The following CEP350 variants were observed in gnomAD, a reference collection of about 807,000 sequenced individuals.
CEP350 encodes centrosomal protein 350.
A neutral mutation model predicts 331.8 loss-of-function variants in CEP350; 126 were observed. The ratio of observed to expected loss-of-function variants is 0.38; its 90% confidence interval spans 0.33 to 0.44. The LOEUF is 0.44. Ranked by LOEUF, CEP350 falls within the 20% of genes least tolerant of loss-of-function variation. CEP350 has a pLI of 1.00. For synonymous variants in CEP350, 1,200 were observed against 1,259.5 expected, an observed-to-expected ratio of 0.95 and a Z score of 1.00; for missense variants, 3,406 against 3,634.6, an observed-to-expected ratio of 0.94 and a Z score of 1.62.
intron 20 of CEP350, among the ~76,000 whole-genome samples, chr1:180,043,772 TTG>T (rs71118428): frequency 0.031 from 4,649 of 148,586 alleles, 120 homozygotes; most frequent in South Asian, 0.068. Context: ...ATTACCATAT[TTG>T]TGTGTGTGTG....
chr1:180,032,990 A>G (rs1273963388), intron 15 of CEP350, among the ~76,000 whole-genome samples: 1 of 151,584 alleles, frequency 6.6e-6, no homozygotes, highest in East Asian at 1.9e-4. Flanking sequence ...CTTCTATTCA[A>G]CTATTTTTAT....
chr1:180,023,738 A>G (rs905786912), intron 13 of CEP350, among the ~76,000 whole-genome samples: 4 of 152,226 alleles, frequency 2.6e-5, no homozygotes, highest in African/African-American at 9.6e-5. Flanking sequence ...TCACATAGTA[A>G]GTGAATCAGA....
intron 32 of CEP350, among the ~76,000 whole-genome samples, chr1:180,088,810 A>G (rs907929167): frequency 2.0e-5 from 3 of 152,338 alleles, no homozygotes; most frequent in Non-Finnish European, 4.4e-5. Flanking sequence ...AAAAGACTTA[A>G]CAGGGCTTAG....
In CEP350 at chr1:180,096,165, A is replaced by C; in HGVS notation, c.9047A>C (p.Asn3016Thr). ...SSYFRRVKNP[N>T]NLDEIKSFIA... ...TATTTCCGACGAGTGAAAAATCCAA[A>C]TAACCTTGATGAAATCAAGGTAAAC... Residue 3016 changes from asparagine to threonine, a missense_variant, in exon 36 of 38, where the codon AAT becomes ACT. Asn to Thr is a moderately conservative substitution (Grantham distance 65, BLOSUM62 0). Transcript: ENST00000367607. 6.4e-7 allele frequency: 1 copy of C among 1,567,546 alleles called. No individual in the cohort carries two copies. The highest frequency in any genetic ancestry group is 8.7e-7 in the Non-Finnish European group (1 of 1,154,580).
intron 1 of CEP350, among the ~76,000 whole-genome samples, chr1:179,965,593 T>A (rs541596751): frequency 6.6e-6 from 1 of 150,636 alleles, no homozygotes; most frequent in African/African-American, 2.4e-5. Context: ...ATTGGACAAG[T>A]GATCTTTTTT....
At position 180,041,693 on chromosome 1, in the gene CEP350, A is replaced by T; in HGVS notation, c.4253A>T (p.Gln1418Leu). 6.2e-7 allele frequency: 1 copy of T among 1,613,806 alleles called. No individual in the cohort carries two copies. Among genetic ancestry groups the T allele is most frequent in the South Asian group, 1.1e-5 (1 of 91,048 alleles). ...VHAESLQQVV[Q>L]SQREVTEVLQ... Reference sequence around the variant, plus strand: ...GCAGAATCATTACAGCAGGTGGTTCAATCACAACGGGAAGTAACTGAAGTC... The same window carrying T: ...GCAGAATCATTACAGCAGGTGGTTCTATCACAACGGGAAGTAACTGAAGTC... Residue 1418 changes from glutamine (Q) to leucine (L), a missense_variant, in exon 19 of 38, where the codon CAA (glutamine) becomes CTA (leucine). Around this residue, in one of 5 missense-constraint regions of CEP350, gnomAD observed 1,857 missense variants for 1,909.2 expected, o/e 0.97. Coordinates refer to ENST00000367607, the MANE Select transcript of CEP350 (RefSeq NM_014810.5).
intron 1 of CEP350, among the ~76,000 whole-genome samples, chr1:179,980,949 T>G (rs1401365053): frequency 6.6e-6 from 1 of 152,120 alleles, no homozygotes; most frequent in Non-Finnish European, 1.5e-5. Context: ...AAGAAAGTGA[T>G]CCACAAAGCT....
At chr1:180,047,384 A>G (rs780254151) in intron 21 of CEP350, among the ~76,000 whole-genome samples, 4 of 152,160 alleles carry the variant, frequency 2.6e-5, no homozygotes, top group Non-Finnish European at 5.9e-5. Flanking sequence ...GGCAAAGATA[A>G]TGATACAAAT....
At chr1:180,101,998 G>A (rs1437591224) in intron 37 of CEP350, among the ~76,000 whole-genome samples, 1 of 152,160 alleles carries the variant, frequency 6.6e-6, no homozygotes, top group African/African-American at 2.4e-5. Context: ...AAAGCTTCAT[G>A]ACATCAGCAT....
At chr1:180,066,744 A>C (rs1409812138) in intron 27 of CEP350, among the ~76,000 whole-genome samples, 3 of 152,202 alleles carry the variant, frequency 2.0e-5, no homozygotes, top group Admixed American at 2.0e-4. Flanking sequence ...AATTTATTAA[A>C]ATTTAGATTA....
At chr1:180,089,001 GT>G (rs1660019038) in intron 32 of CEP350, among the ~76,000 whole-genome samples, 1 of 152,114 alleles carries the variant, frequency 6.6e-6, no homozygotes, top group African/African-American at 2.4e-5. Flanking sequence ...TTGTGTGTGT[GT>G]TTTTGTTACA....
chr1:180,088,250 A>C (rs553712372), intron 32 of CEP350, among the ~76,000 whole-genome samples: 1 of 152,306 alleles, frequency 6.6e-6, no homozygotes, highest in South Asian at 2.1e-4. Flanking sequence ...AATAGTATGC[A>C]GTCAGTAAGC....
At chr1:180,079,907 C>T (rs759007534) in intron 29 of CEP350, among the ~76,000 whole-genome samples, 5 of 152,054 alleles carry the variant, frequency 3.3e-5, no homozygotes, top group Admixed American at 6.6e-5. Flanking sequence ...TGTTTATTTA[C>T]GAAGTACTTA....
At chr1:180,056,471 C>CG (rs1340292312) in intron 25 of CEP350, among the ~76,000 whole-genome samples, 2 of 112,504 alleles carry the variant, frequency 1.8e-5, no homozygotes, top group African/African-American at 6.9e-5. Flanking sequence ...CCCCTCCCCC[C>CG]CCCCCTTTTT....
intron 14 of CEP350, among the ~76,000 whole-genome samples, chr1:180,026,706 G>A (rs1655702889): frequency 6.6e-6 from 1 of 152,092 alleles, no homozygotes; most frequent in Non-Finnish European, 1.5e-5. Flanking sequence ...TCATATAAGT[G>A]GAATAATAGA....
intron 3 of CEP350, among the ~76,000 whole-genome samples, chr1:179,990,271 T>C (rs976418948): frequency 6.6e-5 from 10 of 152,206 alleles, no homozygotes; most frequent in Admixed American, 1.3e-4. Context: ...AACTCTTTGA[T>C]ATTCTTCAGA....
At chr1:179,974,420 T>A (rs1362190726) in intron 1 of CEP350, among the ~76,000 whole-genome samples, 1 of 152,218 alleles carries the variant, frequency 6.6e-6, no homozygotes, top group Non-Finnish European at 1.5e-5. Context: ...CAGCTTCTAA[T>A]GCTGCCGTTT....
At chr1:179,957,399 T>G (rs1018717486) in intron 1 of CEP350, among the ~76,000 whole-genome samples, 2 of 152,174 alleles carry the variant, frequency 1.3e-5, no homozygotes, top group Non-Finnish European at 2.9e-5. Flanking sequence ...TTTTTCTGTA[T>G]TGATTTGTTG....
intron 32 of CEP350, among the ~76,000 whole-genome samples, chr1:180,088,249 C>T (rs1659975759): frequency 6.6e-6 from 1 of 151,860 alleles, no homozygotes; most frequent in Non-Finnish European, 1.5e-5. Flanking sequence ...TAATAGTATG[C>T]AGTCAGTAAG....
Sources: allele counts gnomAD v4.1 joint callset (sites outside exome capture counted in the v4.1 genomes callset), GRCh38; gene constraint gnomAD v4.1.1; regional missense constraint gnomAD v4.1.1; transcripts MANE v1.5; gene names NCBI Gene and HGNC (gene_info 2026-07-23, HGNC 2026-07-21).